The following PLIN1 variants were observed in gnomAD, a reference collection of about 807,000 sequenced individuals.
The protein encoded by PLIN1 is perilipin-1.
In PLIN1, 37 loss-of-function variants were observed where a neutral mutation model predicts 45.8. The ratio of observed to expected loss-of-function variants is 0.81; its 90% confidence interval spans 0.62 to 1.06. The LOEUF (loss-of-function observed/expected upper bound fraction) is 1.06, where lower values mean the gene tolerates loss of function less well. PLIN1 is among the 50% of genes least tolerant of loss of function. The pLI is 0.00. For synonymous variants in PLIN1, 340 were observed against 309.2 expected (o/e 1.10, Z -1.05); for missense variants, 776 against 716.5 (o/e 1.08, Z -0.95).
chr15:89,670,054 C>A lies in PLIN1; in HGVS notation c.524G>T (p.Gly175Val). 6.2e-7 allele frequency: 1 copy of A among 1,614,080 alleles called. No individual in the cohort carries two copies. Among genetic ancestry groups the A allele is most frequent in the Non-Finnish European group, 8.5e-7 (1 of 1,179,984 alleles). ...ANTRAGRLAS[G>V]GADLALGSIE... ...GCTGCCCAAGGCCAAGTCGGCCCCT[C>A]CAGAAGCCAGTCGGCCAGCTCGAGT... Residue 175 changes from glycine to valine, a missense_variant, in exon 5 of 9, where the codon GGA (glycine) becomes GTA (valine). Coordinates refer to ENST00000300055, the MANE Select transcript of PLIN1 (RefSeq NM_002666.5).
At chr15:89,673,123 A>G in intron 3 of PLIN1, 87 bp downstream of exon 3, 1 of 1,000,880 alleles carries the variant, frequency 1.0e-6, no homozygotes, top group Non-Finnish European at 1.5e-6. Flanking sequence ...AAGTTATCAG[A>G]CAGTCAGACA....
At chr15:89,669,418 G>A in intron 6 of PLIN1, 82 bp downstream of exon 6, 1 of 1,143,384 alleles carries the variant, frequency 8.7e-7, no homozygotes, top group Non-Finnish European at 1.3e-6. Flanking sequence ...AGGAAGGGGT[G>A]ATGGGTGGGG....
chr15:89,669,607 C>A lies in PLIN1; in HGVS notation c.664G>T (p.Val222Phe), dbSNP rs1339950589. 6.2e-7 allele frequency: 1 copy of A among 1,614,028 alleles called. No homozygotes were observed. The highest frequency in any genetic ancestry group is 1.1e-5 in the South Asian group (1 of 91,086). Reference protein sequence around the residue: ...PKAKPSLLSRVGALTNTLSRY... With the variant: ...PKAKPSLLSRFGALTNTLSRY... ...GAGAGGGTGTTGGTCAGAGCCCCAA[C>A]CCTGCTCAAGAGGCTTGGCTTGGCC... is the stretch of plus-strand genomic sequence containing the variant. Residue 222 changes from valine (V) to phenylalanine (F), a missense_variant, in exon 6 of 9, where the codon GTT becomes TTT. By Grantham distance (50) the Val-to-Phe change is conservative. Coordinates refer to ENST00000300055, the MANE Select transcript of PLIN1 (RefSeq NM_002666.5).
chr15:89,666,412 G>C (rs1471288070), intron 8 of PLIN1, among the ~76,000 whole-genome samples: 1 of 152,056 alleles, frequency 6.6e-6, no homozygotes, highest in East Asian at 1.9e-4. Flanking sequence ...GACCAGCCCC[G>C]CCCCCCAGGC....
intron 8 of PLIN1, among the ~76,000 whole-genome samples, chr15:89,666,399 C>T (rs1964341118): frequency 6.6e-6 from 1 of 152,138 alleles, no homozygotes; most frequent in Admixed American, 6.5e-5. Context: ...TGCTTTCTGC[C>T]CTGACCAGCC....
At chr15:89,669,797 C>T in intron 5 of PLIN1, 125 bp from the exon 6 acceptor site, 1 of 820,904 alleles carries the variant, frequency 1.2e-6, no homozygotes. Flanking sequence ...GTGAGTTCCA[C>T]AACTCACTTT....
In PLIN1 at chr15:89,665,724, C is replaced by A. The variant is rs1222799124; in HGVS notation, c.1428G>T (p.Thr476=). The A allele has an allele frequency of 6.9e-7, 1 of 1,456,996 alleles. No homozygotes were observed. 90.3% of individuals were successfully genotyped at this position (1,456,996 alleles called of 1,614,324 possible). ...PGPGLEDEVA[T]PAAPRPGFPA... ...GGAAGCCCGGGCGCGGCGCTGCGGG[C>A]GTGGCGACTTCGTCCTCCAGGCCCG... is the stretch of plus-strand genomic sequence containing the variant. The change falls in exon 9 of 9, where the codon ACG becomes ACT. Residue 476 remains threonine (T), a synonymous_variant. Transcript: ENST00000300055.
Position 89,667,771 on chromosome 15 carries a change from G to A in PLIN1, c.794C>T (p.Ala265Val), listed in dbSNP as rs772869504. The A allele has an allele frequency of 8.3e-6, 13 of 1,560,400 alleles. No homozygotes were observed. Among genetic ancestry groups the A allele is most frequent in the Middle Eastern group, 1.7e-4 (1 of 6,026 alleles). Residue 265 changes from alanine to valine, a missense_variant, in exon 7 of 9, where the codon GCC becomes GTC. Coordinates refer to ENST00000300055, the MANE Select transcript of PLIN1 (RefSeq NM_002666.5). Reference protein sequence around the residue: ...VPLSSLAQWGASVAMQAVSRR... With the variant: ...VPLSSLAQWGVSVAMQAVSRR... ...GGACACCGCCTGCATGGCCACTGAGGCACCCCACTGGGCCAGGCTGCTCTG... is the reference window on the plus strand; with the variant it reads ...GGACACCGCCTGCATGGCCACTGAGACACCCCACTGGGCCAGGCTGCTCTG...
rs1301243781 is a variant in PLIN1, at chr15:89,666,920, C to T, written c.1209+16G>A. On this transcript the variant is annotated intron_variant, in intron 8 of 8. Coordinates refer to ENST00000300055, the MANE Select transcript of PLIN1 (RefSeq NM_002666.5). ...CCCCCTTGGGACACTAACAGTTTGC[C>T]AGGGGTGGTACTCACCGGCACGTAA... is the stretch of plus-strand genomic sequence containing the variant. 1 of 1,613,704 alleles carries T rather than the reference C, an allele frequency of 6.2e-7. No individual in the cohort carries two copies. Among genetic ancestry groups the T allele is most frequent in the South Asian group, 1.1e-5 (1 of 90,996 alleles).
intron 6 of PLIN1, among the ~76,000 whole-genome samples, chr15:89,668,230 C>T (rs1309656337): frequency 6.6e-6 from 1 of 152,230 alleles, no homozygotes; most frequent in African/African-American, 2.4e-5. Flanking sequence ...GTGTAAGTTT[C>T]ACCCATGTTG....
chr15:89,665,712 C>T lies in PLIN1; in HGVS notation c.1440G>A (p.Pro480=). The change falls in exon 9 of 9, where the codon CCG becomes CCA. Residue 480 remains proline (P), a synonymous_variant. Transcript: ENST00000300055. ...LEDEVATPAA[P]RPGFPAVPRE... ...GGGGCACGGCCGGGAAGCCCGGGCG[C>T]GGCGCTGCGGGCGTGGCGACTTCGT... The T allele has an allele frequency of 1.4e-6, 2 of 1,464,826 alleles. No individual in the cohort carries two copies. The highest frequency in any genetic ancestry group is 1.5e-5 in the African/African-American group (1 of 68,376). 90.7% of individuals were successfully genotyped at this position (1,464,826 alleles called of 1,614,324 possible).
At chr15:89,678,260 G>A (rs972469713) in intron 1 of PLIN1, among the ~76,000 whole-genome samples, 5 of 151,634 alleles carry the variant, frequency 3.3e-5, no homozygotes, top group Non-Finnish European at 5.9e-5. Flanking sequence ...CTGTAATCCC[G>A]GCACTTTGGG....
intron 3 of PLIN1, 46 bp downstream of exon 3, chr15:89,673,164 T>G (rs1030446318): frequency 7.3e-7 from 1 of 1,367,320 alleles, no homozygotes. Context: ...GACTGGAAGG[T>G]AGGCAGTGAA....
chr15:89,666,940 A>G lies in PLIN1; in HGVS notation c.1205T>C (p.Val402Ala), dbSNP rs779989440. The G allele has an allele frequency of 6.2e-7, 1 of 1,613,982 alleles. No homozygotes were observed. Among genetic ancestry groups the G allele is most frequent in the Non-Finnish European group, 8.5e-7 (1 of 1,179,936 alleles). Residue 402 changes from valine (V) to alanine (A), a missense_variant, in exon 8 of 9, where the codon GTG becomes GCG. Coordinates refer to ENST00000300055, the MANE Select transcript of PLIN1 (RefSeq NM_002666.5). The stretch of plus-strand genomic sequence containing the variant: ...TTTGCCAGGGGTGGTACTCACCGGC[A>G]CGTAATGCACCACTGTGTCCACCAC... ...DNVVDTVVHY[V>A]PLPRLSLMEP... is the part of the protein sequence containing the mutation.
At position 89,664,415 on chromosome 15, in the gene PLIN1, A is replaced by G. The variant is rs200893702; in HGVS notation, c.*1168T>C. ...AGCATCGTTTGCAGTAGCAAAAAAG[A>G]AAAAAAAAGGAAACAACTTAAAAGT... On this transcript the variant is annotated 3_prime_UTR_variant, in exon 9 of 9. Transcript: ENST00000300055. 7.1e-6 allele frequency: 1 copy of G among 141,626 alleles called. No homozygotes were observed. The highest frequency in any genetic ancestry group is 1.9e-4 in the East Asian group (1 of 5,154). The allele number at this position is 141,626 out of a possible 1,614,324, so 8.8% of individuals were successfully genotyped here. A position where few individuals can be genotyped will look rare whatever the true frequency, so the allele number is the denominator to read the frequency against.
intron 2 of PLIN1, 53 bp from the exon 3 acceptor site, chr15:89,673,467 G>T: frequency 6.8e-7 from 1 of 1,462,020 alleles, no homozygotes; most frequent in Non-Finnish European, 9.4e-7. Flanking sequence ...CCAGCCTCCC[G>T]GGAAGCTGAC....
At chr15:89,674,946 T>A (rs559252212) in intron 2 of PLIN1, among the ~76,000 whole-genome samples, 36 of 151,860 alleles carry the variant, frequency 2.4e-4, no homozygotes, top group East Asian at 1.7e-3. Flanking sequence ...CAAAAAAAAA[T>A]AATAAATAAT....
chr15:89,677,495 C>T lies in PLIN1; in HGVS notation c.-6G>A. The stretch of plus-strand genomic sequence containing the variant: ...AGGCCTTTGTTGACTGCCATCCTCG[C>T]TCCTCAAGCTGCAAAACAGAGTCCC... On this transcript the variant is annotated 5_prime_UTR_variant, in exon 2 of 9. Transcript: ENST00000300055. 6.2e-7 allele frequency: 1 copy of T among 1,613,994 alleles called. No homozygotes were observed. The highest frequency in any genetic ancestry group is 1.1e-5 in the South Asian group (1 of 91,082).
chr15:89,665,992 C>T, intron 8 of PLIN1, 50 bp from the exon 9 acceptor site: 3 of 1,323,134 alleles, frequency 2.3e-6, no homozygotes, highest in Non-Finnish European at 2.0e-6. Context: ...CTGGGCCCTG[C>T]GCCTCTGACC....
Sources: allele counts gnomAD v4.1 joint callset (sites outside exome capture counted in the v4.1 genomes callset), GRCh38; gene constraint gnomAD v4.1.1; transcripts MANE v1.5; gene names NCBI Gene and HGNC (gene_info 2026-07-23, HGNC 2026-07-21).